PDE4B: variants seen among roughly 807,000 people sequenced by gnomAD.
PDE4B encodes 3',5'-cyclic-AMP phosphodiesterase 4B.
A neutral mutation model predicts 82.2 loss-of-function variants in PDE4B; 20 were observed. The observed-to-expected ratio is 0.24, with a 90% CI of 0.17 to 0.35. The LOEUF is 0.35. PDE4B is among the 10% of genes least tolerant of loss of function. The pLI is 1.00. For synonymous variants in PDE4B, 320 were observed against 318.9 expected, an observed-to-expected ratio of 1.00 and a Z score of -0.04; for missense variants, 655 against 907.2, an observed-to-expected ratio of 0.72 and a Z score of 3.57.
chr1:65,856,078 A>G (rs1396721781), intron 1 of PDE4B, among the ~76,000 whole-genome samples: 1 of 152,174 alleles, frequency 6.6e-6, no homozygotes, highest in African/African-American at 2.4e-5. Flanking sequence ...TTTTATGACC[A>G]AAATATGCCT....
At chr1:66,332,286 G>C (rs966180799) in intron 7 of PDE4B, 16 of 1,511,162 alleles carry the variant, frequency 1.1e-5, no homozygotes, top group Admixed American at 2.2e-5. Flanking sequence ...TCATCCAGGC[G>C]GGGGGTTGGG....
At chr1:65,807,898 G>A (rs879507928) in intron 1 of PDE4B, among the ~76,000 whole-genome samples, 1 of 152,200 alleles carries the variant, frequency 6.6e-6, no homozygotes, top group Non-Finnish European at 1.5e-5. Flanking sequence ...GGAAGGTTTG[G>A]AGAACTCTGT....
At chr1:66,224,667 C>T (rs1651287240) in intron 3 of PDE4B, among the ~76,000 whole-genome samples, 2 of 152,244 alleles carry the variant, frequency 1.3e-5, no homozygotes, top group Admixed American at 6.5e-5. Context: ...TGCAGTGAGC[C>T]GAGATTGTGC....
At chr1:66,060,613 T>A (rs1336188943) in intron 3 of PDE4B, among the ~76,000 whole-genome samples, 1 of 152,236 alleles carries the variant, frequency 6.6e-6, no homozygotes, top group Non-Finnish European at 1.5e-5. Flanking sequence ...TTTTGATATA[T>A]TTGGCTAAGT....
At chr1:65,986,096 A>G (rs1460959274) in intron 3 of PDE4B, among the ~76,000 whole-genome samples, 1 of 152,224 alleles carries the variant, frequency 6.6e-6, no homozygotes, top group Non-Finnish European at 1.5e-5. Context: ...GACAGTAACA[A>G]AAATGCAGGG....
chr1:66,204,806 A>C (rs1013104589), intron 3 of PDE4B, among the ~76,000 whole-genome samples: 1 of 152,192 alleles, frequency 6.6e-6, no homozygotes, highest in Non-Finnish European at 1.5e-5. Flanking sequence ...AGAGGGAGGC[A>C]ATGCCTTGCC....
chr1:65,933,543 A>T (rs1647956222), intron 3 of PDE4B, among the ~76,000 whole-genome samples: 1 of 152,102 alleles, frequency 6.6e-6, no homozygotes, highest in Admixed American at 6.6e-5. Flanking sequence ...AGATACAAAA[A>T]ATTAGCTGGG....
At chr1:66,033,936 A>T (rs1230240091) in intron 3 of PDE4B, among the ~76,000 whole-genome samples, 1 of 152,200 alleles carries the variant, frequency 6.6e-6, no homozygotes, top group African/African-American at 2.4e-5. Context: ...ATTGAATGAC[A>T]GCTTGACTAA....
At position 66,127,152 on chromosome 1, in the gene PDE4B, T is replaced by C. The variant is rs113777736; in HGVS notation, c.282-120308T>C. 4.4e-3 allele frequency among the ~76,000 whole-genome samples: 675 copies of C among 152,022 alleles called. 3 individuals are homozygous for C. The highest frequency in any genetic ancestry group is 0.016 in the African/African-American group (650 of 41,330). ...GACAGTAGTTTAGTTAATAGTATTGTACTATGACAATTCCTTAGTTTTTAA... is the reference window on the plus strand; with the variant it reads ...GACAGTAGTTTAGTTAATAGTATTGCACTATGACAATTCCTTAGTTTTTAA... On this transcript the variant is annotated intron_variant, in intron 3 of 16. Coordinates refer to ENST00000341517, the MANE Select transcript of PDE4B (RefSeq NM_002600.4).
At position 65,821,218 on chromosome 1, in the gene PDE4B, G is replaced by A. The variant is rs570369419; in HGVS notation, c.-71+27970G>A. On this transcript the variant is annotated intron_variant, in intron 1 of 16. Coordinates refer to ENST00000341517, the MANE Select transcript of PDE4B (RefSeq NM_002600.4). Reference sequence around the variant, plus strand: ...CCCCTAGAAAGGTTAAAGTGGTTGCGTCATTTATAAACTGTCAGTCTTTTT... The same window carrying A: ...CCCCTAGAAAGGTTAAAGTGGTTGCATCATTTATAAACTGTCAGTCTTTTT... Among the ~76,000 whole-genome samples the A allele has an allele frequency of 9.9e-5, 15 of 152,260 alleles. No individual in the cohort carries two copies. The East Asian group carries it at 1.2e-3, about 12-fold the overall frequency.
chr1:66,019,101 A>G (rs1652942108), intron 3 of PDE4B, among the ~76,000 whole-genome samples: 1 of 152,116 alleles, frequency 6.6e-6, no homozygotes, highest in East Asian at 1.9e-4. Context: ...GTTAATACTG[A>G]TGAAAACTTT....
At chr1:66,310,623 T>C (rs946312412) in intron 7 of PDE4B, among the ~76,000 whole-genome samples, 4 of 152,190 alleles carry the variant, frequency 2.6e-5, no homozygotes, top group Admixed American at 2.6e-4. Flanking sequence ...GTGCTGCACA[T>C]GTCCTACTTC....
chr1:66,345,348 C>T lies in PDE4B; in HGVS notation c.748-10179C>T, dbSNP rs183114574. On this transcript the variant is annotated intron_variant, in intron 8 of 16. Transcript: ENST00000341517. ...ACAGAATTTTAAAGCTAGAAATCAG[C>T]GAAGTCTTGTTTTTCAGACCTCAGT... 1.6e-4 allele frequency among the ~76,000 whole-genome samples: 24 copies of T among 152,282 alleles called. No individual in the cohort carries two copies. The East Asian group carries it at 3.5e-3, about 22-fold the overall frequency.
chr1:66,103,839 T>C lies in PDE4B; in HGVS notation c.282-143621T>C, dbSNP rs377410403. ...CTGAATCATATGCTCCATTACTTTCTAGGAAATGGGAAATCATTGCCCACT... is the reference window on the plus strand; with the variant it reads ...CTGAATCATATGCTCCATTACTTTCCAGGAAATGGGAAATCATTGCCCACT... On this transcript the variant is annotated intron_variant, in intron 3 of 16. Coordinates refer to ENST00000341517, the MANE Select transcript of PDE4B (RefSeq NM_002600.4). Among the ~76,000 whole-genome samples the C allele has an allele frequency of 7.9e-5, 12 of 152,070 alleles. No individual in the cohort carries two copies. The East Asian group carries it at 1.3e-3, about 17-fold the overall frequency.
At chr1:65,833,461 G>A (rs1258333072) in intron 1 of PDE4B, among the ~76,000 whole-genome samples, 1 of 152,140 alleles carries the variant, frequency 6.6e-6, no homozygotes, top group African/African-American at 2.4e-5. Flanking sequence ...TAGATTTTTA[G>A]CTCAATAAAA....
chr1:65,859,610 C>T (rs1388604814), intron 1 of PDE4B, among the ~76,000 whole-genome samples: 2 of 152,044 alleles, frequency 1.3e-5, no homozygotes, highest in African/African-American at 2.4e-5. Context: ...TCGTCAAAAG[C>T]GAGCTTGCTG....
chr1:66,254,591 A>G (rs1654044556), intron 4 of PDE4B, among the ~76,000 whole-genome samples: 1 of 152,178 alleles, frequency 6.6e-6, no homozygotes, highest in Admixed American at 6.5e-5. Flanking sequence ...ACCCGGATAC[A>G]AATCAGTACC....
At chr1:65,875,215 A>G (rs1425520203) in intron 1 of PDE4B, among the ~76,000 whole-genome samples, 1 of 151,746 alleles carries the variant, frequency 6.6e-6, no homozygotes, top group Non-Finnish European at 1.5e-5. Context: ...CATCATCACT[A>G]GCCATCAGAG....
intron 1 of PDE4B, among the ~76,000 whole-genome samples, chr1:65,889,668 G>T (rs1032857133): frequency 6.6e-6 from 1 of 152,110 alleles, no homozygotes; most frequent in African/African-American, 2.4e-5. Flanking sequence ...TCTGAGAGTT[G>T]GTCATGGCAT....
Sources: gnomAD v4.1 joint callset for allele counts (sites outside exome capture counted in the v4.1 genomes callset) on GRCh38, gnomAD v4.1.1 for gene constraint, MANE v1.5 for transcripts, NCBI Gene and HGNC (gene_info 2026-07-23, HGNC 2026-07-21) for gene names.